The following CSTF3 variants were observed in gnomAD, a reference collection of about 807,000 sequenced individuals.
The protein encoded by CSTF3 is cleavage stimulation factor subunit 3, also known as CF-1 77 kDa subunit.
CSTF3 carries 29 observed loss-of-function variants against 105.8 expected under a neutral mutation model. The observed-to-expected ratio is 0.27, with a 90% CI of 0.20 to 0.37. The LOEUF (loss-of-function observed/expected upper bound fraction) is 0.37. CSTF3 is among the 10% of genes least tolerant of loss of function. The probability of loss-of-function intolerance (pLI) is 1.00; values close to 1 mark genes in which losing one functional copy is unlikely to be tolerated. For synonymous variants in CSTF3, 252 were observed against 281.9 expected (o/e 0.89, Z 1.06); for missense variants, 357 against 879.3 (o/e 0.41, Z 7.51).
intron 3 of CSTF3, among the ~76,000 whole-genome samples, chr11:33,117,432 T>C (rs1855441100): frequency 6.6e-6 from 1 of 151,972 alleles, no homozygotes; most frequent in African/African-American, 2.4e-5. Context: ...TTCTTATAAT[T>C]TAAAATGACT....
intron 3 of CSTF3, among the ~76,000 whole-genome samples, chr11:33,113,206 A>AAAAT (rs61101354): frequency 0.083 from 12,244 of 147,170 alleles, 1,318 homozygotes; most frequent in African/African-American, 0.25. Context: ...ACTTTGTCTC[A>AAAAT]AAATAAATAA....
chr11:33,136,558 A>G (rs1855655329), intron 3 of CSTF3, among the ~76,000 whole-genome samples: 1 of 151,996 alleles, frequency 6.6e-6, no homozygotes, highest in Non-Finnish European at 1.5e-5. Context: ...TCCATTAGAA[A>G]ATATTTAAGC....
chr11:33,085,049 A>T lies in CSTF3; in HGVS notation c.*38T>A, dbSNP rs1855089578. On this transcript the variant is annotated 3_prime_UTR_variant, in exon 21 of 21. Transcript: ENST00000323959. ...AAACATACCACTTGAGGCAAAAGGA[A>T]TCCTGGACAGGAGTTTTCTGCAGAG... is the stretch of plus-strand genomic sequence containing the variant. 2 of 1,607,920 alleles carry T rather than the reference A, an allele frequency of 1.2e-6. No homozygotes were observed. Among genetic ancestry groups the T allele is most frequent in the East Asian group, 4.5e-5 (2 of 44,840 alleles).
At chr11:33,153,556 T>A (rs1238865262) in intron 1 of CSTF3, among the ~76,000 whole-genome samples, 1 of 151,944 alleles carries the variant, frequency 6.6e-6, no homozygotes, top group Non-Finnish European at 1.5e-5. Context: ...GAGGAGTCCT[T>A]GAGGCCAGGA....
intron 3 of CSTF3, among the ~76,000 whole-genome samples, chr11:33,113,459 T>C (rs1266702311): frequency 6.6e-6 from 1 of 152,008 alleles, no homozygotes; most frequent in African/African-American, 2.4e-5. Flanking sequence ...AAGGCTGCAG[T>C]GTGCTATGAT....
chr11:33,089,038 G>A (rs994974362), intron 17 of CSTF3, among the ~76,000 whole-genome samples: 1 of 152,100 alleles, frequency 6.6e-6, no homozygotes, highest in Non-Finnish European at 1.5e-5. Flanking sequence ...TAGGTTCTAG[G>A]AAACTGCAAC....
chr11:33,086,612 AT>A (rs1424882963), intron 18 of CSTF3, among the ~76,000 whole-genome samples: 3 of 152,040 alleles, frequency 2.0e-5, no homozygotes, highest in Non-Finnish European at 2.9e-5. Flanking sequence ...AAATTTTTGT[AT>A]TTTTAATAAA....
At chr11:33,136,170 CA>C (rs1389295280) in intron 3 of CSTF3, 2 of 152,222 alleles carry the variant, frequency 1.3e-5, no homozygotes, top group Non-Finnish European at 2.9e-5. Context: ...AAGTTGTATT[CA>C]AAGCAAATAT....
chr11:33,086,067 T>TAAAG, intron 18 of CSTF3, 78 bp from the exon 19 acceptor site: 1 of 903,022 alleles, frequency 1.1e-6, no homozygotes, highest in Non-Finnish European at 1.6e-6. Flanking sequence ...GACTTGCACA[T>TAAAG]AAAGATCTTC....
At chr11:33,113,755 A>T (rs369796959) in intron 3 of CSTF3, among the ~76,000 whole-genome samples, 1 of 152,064 alleles carries the variant, frequency 6.6e-6, no homozygotes, top group East Asian at 1.9e-4. Flanking sequence ...GTTTAATTAC[A>T]TTCAAATCAG....
At chr11:33,115,132 TTCTAC>T (rs1313091963) in intron 3 of CSTF3, among the ~76,000 whole-genome samples, 3 of 152,174 alleles carry the variant, frequency 2.0e-5, no homozygotes, top group Non-Finnish European at 4.4e-5. Context: ...CCTGCATCTT[TTCTAC>T]TCTAAAGTAT....
At chr11:33,156,709 T>C (rs1049446018) in intron 1 of CSTF3, 13 of 453,758 alleles carry the variant, frequency 2.9e-5, no homozygotes, top group African/African-American at 2.4e-4. Context: ...GACTCACACC[T>C]GTAATCCAAC....
chr11:33,111,789 A>C (rs944307026), intron 3 of CSTF3, among the ~76,000 whole-genome samples: 2 of 152,216 alleles, frequency 1.3e-5, no homozygotes, highest in Non-Finnish European at 2.9e-5. Flanking sequence ...GACACTTTTG[A>C]CTAATACAGA....
Position 33,085,894 on chromosome 11 carries a change from C to A in CSTF3, c.1890+1G>T. 1 of 1,573,762 alleles carries A rather than the reference C, an allele frequency of 6.4e-7. No homozygotes were observed. The highest frequency in any genetic ancestry group is 1.9e-5 in the Admixed American group (1 of 53,596). ...TCTACCATGAAAATAAGTGAACAAA[C>A]CTGGAAACAGATAGGAGGAGGGAGA... On this transcript the variant is annotated splice_donor_variant, in intron 19 of 20. Transcript: ENST00000323959. LOFTEE classifies it high-confidence loss of function.
chr11:33,121,776 G>A (rs1289544792), intron 3 of CSTF3, among the ~76,000 whole-genome samples: 1 of 152,122 alleles, frequency 6.6e-6, no homozygotes, highest in Non-Finnish European at 1.5e-5. Context: ...TGCAGTGGAA[G>A]GCTCCCCAAA....
intron 3 of CSTF3, among the ~76,000 whole-genome samples, chr11:33,133,082 AT>A (rs1191884063): frequency 1.3e-5 from 2 of 152,180 alleles, no homozygotes; most frequent in African/African-American, 2.4e-5. Flanking sequence ...CCTGAAAATT[AT>A]CTTTACTAAC....
In CSTF3 at chr11:33,161,088, G is replaced by A. The variant is rs138163012; in HGVS notation, c.27+211C>T. On this transcript the variant is annotated intron_variant, in intron 1 of 20. Coordinates refer to ENST00000323959, the MANE Select transcript of CSTF3 (RefSeq NM_001326.3). ...AGCCTACCGCTATTGTCTAAATCAA[G>A]TATTTACTCGTATTCATGCCTAAGA... 9.0e-3 allele frequency among the ~76,000 whole-genome samples: 1,361 copies of A among 151,846 alleles called. 5 individuals carry two copies. The highest frequency in any genetic ancestry group is 0.013 in the Non-Finnish European group (882 of 67,944).
intron 18 of CSTF3, among the ~76,000 whole-genome samples, chr11:33,086,417 A>G (rs1301960044): frequency 6.6e-6 from 1 of 151,474 alleles, no homozygotes; most frequent in East Asian, 1.9e-4. Flanking sequence ...CCAGCTGTTC[A>G]GGTAATCTGC....
chr11:33,137,603 AC>A (rs1315959804), intron 3 of CSTF3, among the ~76,000 whole-genome samples: 1 of 151,860 alleles, frequency 6.6e-6, no homozygotes, highest in African/African-American at 2.4e-5. Context: ...GTTTACAAGT[AC>A]TTTTTTCTTG....
Sources: allele counts gnomAD v4.1 joint callset (sites outside exome capture counted in the v4.1 genomes callset), GRCh38; gene constraint gnomAD v4.1.1; transcripts MANE v1.5; gene names NCBI Gene and HGNC (gene_info 2026-07-23, HGNC 2026-07-21).